Variants in SGCZ observed in about 807,000 individuals in gnomAD.
SGCZ encodes the protein sarcoglycan zeta, also known as zeta-sarcoglycan.
A neutral mutation model predicts 41.3 loss-of-function variants in SGCZ; 40 were observed. The ratio of observed to expected loss-of-function variants is 0.97; its 90% CI spans 0.75 to 1.26. SGCZ has a LOEUF of 1.26. Ranked by LOEUF, SGCZ falls within the 50% of genes most tolerant of loss-of-function variation. SGCZ has a pLI of 0.00. For synonymous variants in SGCZ, 206 were observed against 137.5 expected (o/e 1.50, Z -3.49); for missense variants, 552 against 369.8 (o/e 1.49, Z -4.04).
intron 7 of SGCZ, among the ~76,000 whole-genome samples, chr8:14,097,976 C>G (rs1801895840): frequency 6.6e-6 from 1 of 152,074 alleles, no homozygotes; most frequent in African/African-American, 2.4e-5. Context: ...CTGCTGATCA[C>G]TTAAAGTGGT....
intron 1 of SGCZ, among the ~76,000 whole-genome samples, chr8:14,953,216 G>T (rs999580101): frequency 6.6e-6 from 1 of 152,126 alleles, no homozygotes; most frequent in Non-Finnish European, 1.5e-5. Context: ...GTGACCTCAA[G>T]AAATTTACAG....
intron 1 of SGCZ, among the ~76,000 whole-genome samples, chr8:15,167,639 A>G (rs1799704751): frequency 6.6e-6 from 1 of 151,334 alleles, no homozygotes. Context: ...ACTAAAGGCT[A>G]TTTTGCAAAC....
intron 1 of SGCZ, among the ~76,000 whole-genome samples, chr8:14,613,420 A>G (rs557655918): frequency 1.3e-5 from 2 of 152,208 alleles, no homozygotes; most frequent in Non-Finnish European, 2.9e-5. Flanking sequence ...ATTGTCTCTT[A>G]GATAAAATCT....
chr8:14,537,076 T>A (rs17119752), intron 2 of SGCZ, among the ~76,000 whole-genome samples: 1 of 151,962 alleles, frequency 6.6e-6, no homozygotes. Flanking sequence ...AGCCCCATCA[T>A]GACTCTAACA....
At chr8:14,101,518 T>C (rs1028434565) in intron 7 of SGCZ, among the ~76,000 whole-genome samples, 1 of 152,196 alleles carries the variant, frequency 6.6e-6, no homozygotes, top group African/African-American at 2.4e-5. Flanking sequence ...AATGACAAAG[T>C]ATTATTTAAA....
intron 2 of SGCZ, among the ~76,000 whole-genome samples, chr8:14,458,896 C>T (rs529307451): frequency 3.4e-4 from 52 of 152,062 alleles, no homozygotes; most frequent in African/African-American, 7.5e-4. Flanking sequence ...AGTTGCTGAT[C>T]GAGACCTAGG....
intron 1 of SGCZ, among the ~76,000 whole-genome samples, chr8:14,890,048 C>T (rs1209739775): frequency 6.6e-6 from 1 of 152,010 alleles, no homozygotes; most frequent in Admixed American, 6.6e-5. Flanking sequence ...GAAACTCCGT[C>T]TCTACTAAAA....
chr8:14,213,075 C>G (rs1805870716), intron 4 of SGCZ, among the ~76,000 whole-genome samples: 1 of 151,704 alleles, frequency 6.6e-6, no homozygotes, highest in African/African-American at 2.4e-5. Context: ...GGGACAACAG[C>G]AAAAGATATA....
chr8:14,669,094 G>A (rs1335575455), intron 1 of SGCZ, among the ~76,000 whole-genome samples: 1 of 151,818 alleles, frequency 6.6e-6, no homozygotes, highest in East Asian at 1.9e-4. Flanking sequence ...CAGCATTTTG[G>A]GAGGCTTAGG....
At chr8:14,453,279 A>G (rs1177840418) in intron 2 of SGCZ, among the ~76,000 whole-genome samples, 4 of 152,176 alleles carry the variant, frequency 2.6e-5, no homozygotes. Flanking sequence ...GTCTAACATT[A>G]AGATACATTA....
chr8:14,755,245 G>C (rs1224224728), intron 1 of SGCZ, among the ~76,000 whole-genome samples: 3 of 151,974 alleles, frequency 2.0e-5, no homozygotes, highest in Admixed American at 6.6e-5. Context: ...AAAAAAAACA[G>C]CATTTGTTTG....
intron 4 of SGCZ, among the ~76,000 whole-genome samples, chr8:14,167,883 T>G (rs1804255886): frequency 1.3e-5 from 2 of 152,226 alleles, no homozygotes; most frequent in Admixed American, 6.5e-5. Flanking sequence ...GGTCTTTGTA[T>G]GTTCTACAGT....
chr8:15,111,900 C>CAAAA lies in SGCZ; in HGVS notation c.39+125681_39+125684dup, dbSNP rs59606190. On this transcript the variant is annotated intron_variant, in intron 1 of 7. Transcript: ENST00000382080. ...GGCAACAGAGCGAGACTCCGTCTCC[C>CAAAA]AAAAAAAAAAAAAAATCCCTCCTTT... 3.8e-3 allele frequency among the ~76,000 whole-genome samples: 531 copies of CAAAA among 140,666 alleles called. 5 individuals carry two copies. Among genetic ancestry groups the CAAAA allele is most frequent in the African/African-American group, 0.011 (408 of 38,446 alleles). The allele number at this position is 140,666 out of a possible 152,430, so 92.3% of individuals were successfully genotyped here.
At chr8:14,698,134 T>A (rs1809024860) in intron 1 of SGCZ, among the ~76,000 whole-genome samples, 1 of 151,984 alleles carries the variant, frequency 6.6e-6, no homozygotes, top group South Asian at 2.1e-4. Context: ...TTTCTAGCAG[T>A]CAAACAAAAT....
intron 4 of SGCZ, among the ~76,000 whole-genome samples, chr8:14,188,573 G>C (rs771921253): frequency 6.6e-6 from 1 of 152,056 alleles, no homozygotes; most frequent in Admixed American, 6.5e-5. Flanking sequence ...AGAGCGAAAG[G>C]GTTCAGAGTT....
At chr8:15,041,890 T>C (rs944720971) in intron 1 of SGCZ, among the ~76,000 whole-genome samples, 3 of 152,154 alleles carry the variant, frequency 2.0e-5, no homozygotes. Context: ...TCTGTTGATT[T>C]TTAGGTCTGG....
intron 1 of SGCZ, among the ~76,000 whole-genome samples, chr8:14,997,588 A>G (rs1802261660): frequency 6.6e-6 from 1 of 152,234 alleles, no homozygotes; most frequent in African/African-American, 2.4e-5. Flanking sequence ...TAATGATATT[A>G]ATCAAGAACA....
intron 1 of SGCZ, among the ~76,000 whole-genome samples, chr8:15,231,680 G>A (rs1404438037): frequency 7.3e-6 from 1 of 137,688 alleles, no homozygotes; most frequent in Non-Finnish European, 1.5e-5. Context: ...GGAGTCCAGT[G>A]GCAAGATGTC....
chr8:14,995,103 C>A (rs1186288096), intron 1 of SGCZ, among the ~76,000 whole-genome samples: 1 of 152,218 alleles, frequency 6.6e-6, no homozygotes, highest in African/African-American at 2.4e-5. Context: ...GAAATGCTTG[C>A]AGAAGTCAAT....
Sources: gnomAD v4.1 joint callset for allele counts (sites outside exome capture counted in the v4.1 genomes callset) on GRCh38, gnomAD v4.1.1 for gene constraint, MANE v1.5 for transcripts, NCBI Gene and HGNC (gene_info 2026-07-23, HGNC 2026-07-21) for gene names.